The following BRINP3 variants were observed in gnomAD, a reference collection of about 807,000 sequenced individuals.
The protein encoded by BRINP3 is BMP/retinoic acid-inducible neural-specific protein 3.
BRINP3 carries 19 observed loss-of-function variants against 71.0 expected under a neutral mutation model. The ratio of observed to expected loss-of-function variants is 0.27; its 90% CI spans 0.19 to 0.39. The LOEUF is 0.39. Ranked by LOEUF, BRINP3 falls within the 10% of genes least tolerant of loss-of-function variation. The pLI, the probability that BRINP3 is intolerant of heterozygous loss-of-function variation, is 1.00. For missense variants in BRINP3, 959 were observed against 940.8 expected (o/e 1.02, Z -0.25); for synonymous variants, 380 against 337.7 (o/e 1.13, Z -1.37).
At chr1:190,193,332 T>C (rs1329210908) in intron 6 of BRINP3, among the ~76,000 whole-genome samples, 1 of 152,098 alleles carries the variant, frequency 6.6e-6, no homozygotes, top group Non-Finnish European at 1.5e-5. Flanking sequence ...AGCAGGAATT[T>C]CTGCAATTCA....
At chr1:190,373,055 A>G (rs1669961021) in intron 2 of BRINP3, among the ~76,000 whole-genome samples, 1 of 152,150 alleles carries the variant, frequency 6.6e-6, no homozygotes, top group African/African-American at 2.4e-5. Flanking sequence ...GAAAATTAGA[A>G]TGATATCCTC....
At chr1:190,124,579 A>T (rs1249798921) in intron 7 of BRINP3, among the ~76,000 whole-genome samples, 3 of 152,180 alleles carry the variant, frequency 2.0e-5, no homozygotes, top group Non-Finnish European at 4.4e-5. Context: ...ATGGTATTTT[A>T]AAAAATCATT....
chr1:190,342,654 T>C (rs1667741612), intron 2 of BRINP3: 1 of 151,678 alleles, frequency 6.6e-6, no homozygotes, highest in South Asian at 2.1e-4. Flanking sequence ...ATGTAGCCTA[T>C]ATAAACTTCC....
rs1465665848 is a variant in BRINP3, at chr1:190,098,742, T to C, written c.1577A>G (p.Asp526Gly). ...GAGCATCCGCTTACGCCAGGAGGGA[T>C]CAAACCAGCTATTGAGGCGCATGTC... ...SNDMRLNSWF[D>G]PSWRKRMLLT... is the part of the protein sequence containing the mutation. The change falls in exon 8 of 8, where the codon GAT (aspartate) becomes GGT (glycine). Residue 526 changes from aspartate (D) to glycine (G), a missense_variant. Asp to Gly is a moderately conservative substitution (Grantham distance 94, BLOSUM62 -1). Transcript: ENST00000367462. The C allele has an allele frequency of 1.2e-6, 2 of 1,614,086 alleles. No homozygotes were observed. Among genetic ancestry groups the C allele is most frequent in the Non-Finnish European group, 1.7e-6 (2 of 1,180,048 alleles).
intron 7 of BRINP3, among the ~76,000 whole-genome samples, chr1:190,100,479 C>A (rs761857403): frequency 6.6e-6 from 1 of 151,992 alleles, no homozygotes; most frequent in Admixed American, 6.6e-5. Context: ...AGATAACAAG[C>A]CTTTAATATT....
intron 2 of BRINP3, among the ~76,000 whole-genome samples, chr1:190,372,070 C>T (rs1333280021): frequency 6.6e-6 from 1 of 152,114 alleles, no homozygotes; most frequent in Non-Finnish European, 1.5e-5. Context: ...GCTTCAGAAA[C>T]CACTTCTCCA....
At chr1:190,464,353 G>A (rs1210033016) in intron 1 of BRINP3, among the ~76,000 whole-genome samples, 1 of 151,702 alleles carries the variant, frequency 6.6e-6, no homozygotes, top group East Asian at 1.9e-4. Context: ...GAACAAAGTA[G>A]GTCATAAATT....
intron 2 of BRINP3, among the ~76,000 whole-genome samples, chr1:190,283,394 T>C (rs1321844290): frequency 6.6e-6 from 1 of 151,858 alleles, no homozygotes; most frequent in Non-Finnish European, 1.5e-5. Context: ...ATACTTTGAA[T>C]AAAACAACCG....
rs1185296374 is a variant in BRINP3 at position 190,334,028 on chromosome 1, A to G, written c.237-52278T>C. On this transcript the variant is annotated intron_variant, in intron 2 of 7. Coordinates refer to ENST00000367462, the MANE Select transcript of BRINP3 (RefSeq NM_199051.3). ...ATCAAAATTTGCACAACGCTATATG[A>G]GCATGCACTTCCTTCCCACATTTTC... Among the ~76,000 whole-genome samples, 4 of 151,914 alleles carry G rather than the reference A, an allele frequency of 2.6e-5. 1 individual carries two copies. In the South Asian group the frequency reaches 8.3e-4, roughly 31 times the overall value.
At chr1:190,301,156 T>C (rs1352789075) in intron 2 of BRINP3, among the ~76,000 whole-genome samples, 1 of 114,200 alleles carries the variant, frequency 8.8e-6, no homozygotes, top group South Asian at 2.6e-4. Flanking sequence ...CACACATACA[T>C]ATATATATAC....
At chr1:190,469,268 C>T (rs932824921) in intron 1 of BRINP3, among the ~76,000 whole-genome samples, 5 of 150,834 alleles carry the variant, frequency 3.3e-5, no homozygotes, top group Non-Finnish European at 7.5e-5. Context: ...ATATTACTTA[C>T]CACATTTATA....
At chr1:190,293,777 C>T (rs1322508079) in intron 2 of BRINP3, among the ~76,000 whole-genome samples, 3 of 152,072 alleles carry the variant, frequency 2.0e-5, no homozygotes, top group Admixed American at 6.6e-5. Context: ...CAGTGAACTT[C>T]GCTCACGCTT....
intron 2 of BRINP3, among the ~76,000 whole-genome samples, chr1:190,447,272 A>G (rs916219888): frequency 3.6e-5 from 5 of 140,674 alleles, no homozygotes; most frequent in Non-Finnish European, 7.7e-5. Flanking sequence ...AGACCAGACT[A>G]TTACCCTATA....
intron 6 of BRINP3, among the ~76,000 whole-genome samples, chr1:190,225,403 C>G (rs999979199): frequency 2.0e-5 from 3 of 151,760 alleles, no homozygotes; most frequent in Non-Finnish European, 4.4e-5. Context: ...CCCACATGTT[C>G]CCACTCATAT....
intron 2 of BRINP3, among the ~76,000 whole-genome samples, chr1:190,380,461 A>G (rs1007757635): frequency 5.9e-5 from 9 of 152,314 alleles, no homozygotes; most frequent in African/African-American, 2.2e-4. Context: ...GGACGTCTGA[A>G]GGGAGATCTG....
chr1:190,225,496 G>A (rs1657274382), intron 6 of BRINP3, among the ~76,000 whole-genome samples: 1 of 151,754 alleles, frequency 6.6e-6, no homozygotes, highest in South Asian at 2.1e-4. Flanking sequence ...GTGGGGGCTG[G>A]GAGAAAATGC....
intron 2 of BRINP3, among the ~76,000 whole-genome samples, chr1:190,400,324 A>T (rs976433800): frequency 6.6e-6 from 1 of 152,174 alleles, no homozygotes; most frequent in Non-Finnish European, 1.5e-5. Context: ...TCACAAAACA[A>T]TATTGAAATA....
chr1:190,099,803 C>G (rs1391172704), intron 7 of BRINP3, among the ~76,000 whole-genome samples: 1 of 152,182 alleles, frequency 6.6e-6, no homozygotes, highest in East Asian at 1.9e-4. Flanking sequence ...TTAAAATCAA[C>G]AAGCTCCTTC....
At chr1:190,348,269 C>T (rs1346309718) in intron 2 of BRINP3, among the ~76,000 whole-genome samples, 3 of 152,014 alleles carry the variant, frequency 2.0e-5, no homozygotes, top group Admixed American at 6.6e-5. Context: ...CCTTTTTGGC[C>T]TGAAGACTTT....
Sources: allele counts gnomAD v4.1 joint callset (sites outside exome capture counted in the v4.1 genomes callset), GRCh38; gene constraint gnomAD v4.1.1; transcripts MANE v1.5; gene names NCBI Gene and HGNC (gene_info 2026-07-23, HGNC 2026-07-21).